Variants in SYNJ2 observed in about 807,000 individuals in gnomAD.
SYNJ2 encodes the protein polyphosphatidylinositol phosphatase SYNJ2.
A neutral mutation model predicts 141.3 loss-of-function variants in SYNJ2; 116 were observed. That is an observed-to-expected ratio of 0.82 (90% CI 0.71 to 0.96). The LOEUF is 0.96. SYNJ2 is among the 40% of genes least tolerant of loss of function. The pLI, the probability that SYNJ2 is intolerant of heterozygous loss-of-function variation, is 0.00. For synonymous variants in SYNJ2, 745 were observed against 777.7 expected (o/e 0.96, Z 0.70); for missense variants, 1,873 against 1,934.8 (o/e 0.97, Z 0.60).
intron 5 of SYNJ2, among the ~76,000 whole-genome samples, chr6:158,048,109 A>T (rs1223563656): frequency 6.6e-6 from 1 of 152,190 alleles, no homozygotes; most frequent in Non-Finnish European, 1.5e-5. Context: ...AGCGTCTGCC[A>T]GGTGTAGGGG....
chr6:158,033,795 T>C, intron 4 of SYNJ2, 115 bp downstream of exon 4: 1 of 1,052,588 alleles, frequency 9.5e-7, no homozygotes, highest in Non-Finnish European at 1.4e-6. Flanking sequence ...TGGTCTCTGA[T>C]CAGGCTTCCT....
intron 1 of SYNJ2, among the ~76,000 whole-genome samples, chr6:157,997,645 T>A (rs1777686337): frequency 6.6e-6 from 1 of 152,206 alleles, no homozygotes; most frequent in Non-Finnish European, 1.5e-5. Flanking sequence ...GGTTCTTTGT[T>A]ACAGCAACCC....
At chr6:158,068,233 T>G (rs1482378924) in intron 12 of SYNJ2, among the ~76,000 whole-genome samples, 1 of 151,778 alleles carries the variant, frequency 6.6e-6, no homozygotes, top group East Asian at 1.9e-4. Flanking sequence ...ACAGCCTGCC[T>G]GGCCTCTCGC....
rs149034526 is a variant in SYNJ2, at chr6:158,047,821, A to G, written c.795+4422A>G. 6.6e-3 allele frequency among the ~76,000 whole-genome samples: 956 copies of G among 143,842 alleles called. 8 individuals carry two copies. Among genetic ancestry groups the G allele is most frequent in the South Asian group, 0.023 (102 of 4,512 alleles). 94.4% of individuals were successfully genotyped at this position (143,842 alleles called of 152,430 possible). On this transcript the variant is annotated intron_variant, in intron 5 of 26. Coordinates refer to ENST00000355585, the MANE Select transcript of SYNJ2 (RefSeq NM_003898.4). ...AAAAAAAAAACACACAGTATCTAGA[A>G]TCTAAAAAGTACTCAAAATGGCAGC...
At chr6:158,061,579 G>A (rs1487183985) in intron 7 of SYNJ2, among the ~76,000 whole-genome samples, 1 of 152,134 alleles carries the variant, frequency 6.6e-6, no homozygotes, top group African/African-American at 2.4e-5. Context: ...CTAGGGCAAC[G>A]GGGAGCTGGA....
intron 1 of SYNJ2, among the ~76,000 whole-genome samples, chr6:158,006,888 G>A (rs995580618): frequency 7.2e-5 from 2 of 27,858 alleles, no homozygotes; most frequent in African/African-American, 4.8e-4. Flanking sequence ...GGCCAGGCTG[G>A]TCTCGAACTC....
intron 1 of SYNJ2, among the ~76,000 whole-genome samples, chr6:157,989,602 C>T (rs913240439): frequency 2.0e-5 from 3 of 152,028 alleles, no homozygotes; most frequent in South Asian, 2.1e-4. Context: ...ACTACAAAGG[C>T]GAAACATGAT....
intron 3 of SYNJ2, chr6:158,030,397 C>T (rs200053511): frequency 2.0e-5 from 3 of 152,684 alleles, no homozygotes; most frequent in Non-Finnish European, 2.9e-5. Flanking sequence ...GTGCCTCTCT[C>T]CCTTTGCCAG....
intron 1 of SYNJ2, among the ~76,000 whole-genome samples, chr6:157,985,927 C>A (rs1367852833): frequency 6.6e-6 from 1 of 152,156 alleles, no homozygotes; most frequent in African/African-American, 2.4e-5. Flanking sequence ...AACACCAGGC[C>A]CCCAGGTTCT....
At chr6:158,059,049 G>A (rs1270285967) in intron 6 of SYNJ2, among the ~76,000 whole-genome samples, 2 of 152,230 alleles carry the variant, frequency 1.3e-5, no homozygotes, top group Non-Finnish European at 2.9e-5. Context: ...AGAAGTCTAC[G>A]CTAGCTAGTA....
chr6:158,068,359 G>C (rs1277948897), intron 12 of SYNJ2, among the ~76,000 whole-genome samples: 1 of 152,170 alleles, frequency 6.6e-6, no homozygotes, highest in East Asian at 1.9e-4. Context: ...CAGAGGTCGT[G>C]ACTGGACAGA....
intron 11 of SYNJ2, among the ~76,000 whole-genome samples, chr6:158,065,588 C>T (rs186291972): frequency 2.6e-4 from 40 of 152,296 alleles, no homozygotes; most frequent in Non-Finnish European, 3.7e-4. Context: ...AGGGGAAACC[C>T]AGCATTTTTC....
chr6:157,982,126 G>T lies in SYNJ2; in HGVS notation c.127+38G>T. 1 of 1,286,466 alleles carries T rather than the reference G, an allele frequency of 7.8e-7. No individual in the cohort carries two copies. Among genetic ancestry groups the T allele is most frequent in the Non-Finnish European group, 9.8e-7 (1 of 1,016,038 alleles). 79.7% of individuals were successfully genotyped at this position (1,286,466 alleles called of 1,614,324 possible). On this transcript the variant is annotated intron_variant, in intron 1 of 26. Coordinates refer to ENST00000355585, the MANE Select transcript of SYNJ2 (RefSeq NM_003898.4). This position sits in a 1 kb window ranked among gnomAD's most constrained non-coding sequence, Gnocchi z 4.0. ...CGGGGGCAGCGACGCCCGGAGGAGA[G>T]GGCGCCCGCATTCGCCCAGCCTCGG...
chr6:158,044,277 G>C (rs1780118619), intron 5 of SYNJ2, among the ~76,000 whole-genome samples: 1 of 152,214 alleles, frequency 6.6e-6, no homozygotes, highest in Non-Finnish European at 1.5e-5. Flanking sequence ...AGGGTCCCCA[G>C]TCCTGGGTTC....
At position 158,033,556 on chromosome 6, in the gene SYNJ2, C is replaced by T; in HGVS notation, c.587C>T (p.Ala196Val). The T allele has an allele frequency of 1.2e-6, 2 of 1,614,200 alleles. No homozygotes were observed. The highest frequency in any genetic ancestry group is 2.7e-5 in the African/African-American group (2 of 75,066). Reference protein sequence around the residue: ...CGVVTIRTVYASHKQAKACLV... With the variant: ...CGVVTIRTVYVSHKQAKACLV... ...GTGGTCACCATCCGCACCGTGTATG[C>T]CTCCCACAAGCAGGCCAAGGCCTGC... Residue 196 changes from alanine to valine, a missense_variant, in exon 4 of 27, where the codon GCC becomes GTC. By Grantham distance (64) the Ala-to-Val change is moderately conservative. Coordinates refer to ENST00000355585, the MANE Select transcript of SYNJ2 (RefSeq NM_003898.4).
chr6:158,054,929 G>A, intron 5 of SYNJ2, 38 bp from the exon 6 acceptor site: 1 of 1,609,668 alleles, frequency 6.2e-7, no homozygotes, highest in East Asian at 2.2e-5. Flanking sequence ...GGTTTGCAGA[G>A]AAGGAAGAAT....
intron 13 of SYNJ2, 131 bp downstream of exon 13, chr6:158,068,859 G>T: frequency 1.1e-6 from 1 of 922,512 alleles, no homozygotes; most frequent in Admixed American, 2.2e-5. Flanking sequence ...TGGCTGTGTG[G>T]GGATCTCTCA....
At chr6:158,082,487 C>CAAAA (rs769884420) in intron 20 of SYNJ2, among the ~76,000 whole-genome samples, 1 of 75,314 alleles carries the variant, frequency 1.3e-5, no homozygotes, top group East Asian at 4.4e-4. Context: ...ACTCTGTCTC[C>CAAAA]AAAAAAAAAA....
At chr6:158,095,102 T>C (rs1328513579) in intron 26 of SYNJ2, among the ~76,000 whole-genome samples, 1 of 151,896 alleles carries the variant, frequency 6.6e-6, no homozygotes, top group Non-Finnish European at 1.5e-5. Context: ...TGAGCTGAGA[T>C]TGCGCCATTG....
Sources: gnomAD v4.1 joint callset for allele counts (sites outside exome capture counted in the v4.1 genomes callset) on GRCh38, gnomAD v4.1.1 for gene constraint, Gnocchi (gnomAD v3.1) non-coding constraint, MANE v1.5 for transcripts, NCBI Gene and HGNC (gene_info 2026-07-23, HGNC 2026-07-21) for gene names.